The following TBC1D32 variants were observed in gnomAD, a reference collection of about 807,000 sequenced individuals.
TBC1D32 encodes the protein protein broad-minded.
TBC1D32 carries 151 observed loss-of-function variants against 170.3 expected under a neutral mutation model. The observed-to-expected ratio is 0.89, with a 90% CI of 0.78 to 1.01. The LOEUF (loss-of-function observed/expected upper bound fraction) is 1.01, where lower values mean the gene tolerates loss of function less well. Among genes scored for constraint, TBC1D32 ranks in the 50% least tolerant of loss-of-function variants. The probability of loss-of-function intolerance (pLI) is 0.00; values close to 1 mark genes in which losing one functional copy is unlikely to be tolerated. For synonymous variants in TBC1D32, 498 were observed against 488.0 expected (o/e 1.02, Z -0.27); for missense variants, 1,464 against 1,457.1 (o/e 1.00, Z -0.08).
rs543067102 is a variant in TBC1D32, at chr6:121,290,991, G to A, written c.1372+1062C>T. On this transcript the variant is annotated intron_variant, in intron 12 of 31. Transcript: ENST00000398212. ...ACAGGAAGGGGAGCATCACACTGGG[G>A]CCTGTTGTGGGGTTGGGGGAGGGTG... Among the ~76,000 whole-genome samples, 1,048 of 152,190 alleles carry A rather than the reference G, an allele frequency of 6.9e-3. 12 individuals carry two copies. Among genetic ancestry groups the A allele is most frequent in the African/African-American group, 0.023 (942 of 41,524 alleles).
intron 9 of TBC1D32, 36 bp downstream of exon 9, chr6:121,303,581 C>A (rs1301500934): frequency 6.9e-7 from 1 of 1,455,422 alleles, no homozygotes; most frequent in South Asian, 1.6e-5. Flanking sequence ...TATAGCAATG[C>A]ACTAAAAGGT....
chr6:121,331,372 CT>C (rs911264858), intron 1 of TBC1D32, among the ~76,000 whole-genome samples: 1 of 64,462 alleles, frequency 1.6e-5, no homozygotes, highest in African/African-American at 3.6e-5. Context: ...CCATGCCCGG[CT>C]AATTTTTTTT....
intron 9 of TBC1D32, among the ~76,000 whole-genome samples, chr6:121,302,292 G>A (rs1359280396): frequency 6.6e-6 from 1 of 152,064 alleles, no homozygotes; most frequent in Non-Finnish European, 1.5e-5. Flanking sequence ...AGCTACAATA[G>A]GGACTGTAGG....
At position 121,080,861 on chromosome 6, in the gene TBC1D32, ACT is replaced by A. The variant is rs754359360; in HGVS notation, c.3682_3683del (p.Ser1228Ter). ...AAATTTCCATGTATTCAAAATAATC[ACT>A]CACTCGAAACCCATGCAGTGCTTCT... ...KEEALHGFRV[S>X]DYFEYMEILE... On this transcript the variant is annotated frameshift_variant, in exon 32 of 32. Coordinates refer to ENST00000398212, the MANE Select transcript of TBC1D32 (RefSeq NM_152730.6). LOFTEE classifies it high-confidence loss of function. 1.4e-5 allele frequency: 22 copies of A among 1,613,692 alleles called. No individual in the cohort carries two copies. In the East Asian group the frequency reaches 4.7e-4, roughly 34 times the overall value.
At chr6:121,289,684 T>A (rs1333326566) in intron 12 of TBC1D32, among the ~76,000 whole-genome samples, 1 of 152,186 alleles carries the variant, frequency 6.6e-6, no homozygotes, top group African/African-American at 2.4e-5. Flanking sequence ...AGAGCCCGCA[T>A]TGCCAAGTCA....
At chr6:121,216,580 G>A (rs1047886269) in intron 21 of TBC1D32, among the ~76,000 whole-genome samples, 1 of 152,172 alleles carries the variant, frequency 6.6e-6, no homozygotes, top group African/African-American at 2.4e-5. Context: ...ACTGTTTAGA[G>A]AGTTATGCAA....
intron 21 of TBC1D32, among the ~76,000 whole-genome samples, chr6:121,217,762 A>G (rs763528727): frequency 6.6e-6 from 1 of 152,214 alleles, no homozygotes; most frequent in African/African-American, 2.4e-5. Flanking sequence ...TTACCTATAT[A>G]ACAATCCTAC....
At chr6:121,111,650 T>A (rs1345727617) in intron 29 of TBC1D32, among the ~76,000 whole-genome samples, 1 of 152,190 alleles carries the variant, frequency 6.6e-6, no homozygotes, top group South Asian at 2.1e-4. Context: ...ATGATCTTTT[T>A]AAGTAACTGT....
At chr6:121,192,095 TATC>T (rs1463904484) in intron 22 of TBC1D32, among the ~76,000 whole-genome samples, 3 of 141,420 alleles carry the variant, frequency 2.1e-5, no homozygotes, top group Non-Finnish European at 3.0e-5. Flanking sequence ...CTATTAGTTC[TATC>T]CTTCTGGGGA....
intron 24 of TBC1D32, among the ~76,000 whole-genome samples, chr6:121,154,873 G>C (rs1392353137): frequency 1.3e-5 from 2 of 152,106 alleles, no homozygotes; most frequent in South Asian, 4.1e-4. Flanking sequence ...GTCTGTTTCT[G>C]CACCAGTACC....
intron 20 of TBC1D32, among the ~76,000 whole-genome samples, chr6:121,227,024 T>C (rs1303225017): frequency 1.3e-5 from 2 of 151,992 alleles, no homozygotes; most frequent in Non-Finnish European, 2.9e-5. Flanking sequence ...ACACATAAAA[T>C]ACAGTAACAA....
chr6:121,187,103 T>G lies in TBC1D32; in HGVS notation c.2570+17972A>C, dbSNP rs73768935. 1.4e-3 allele frequency among the ~76,000 whole-genome samples: 211 copies of G among 151,950 alleles called. 2 individuals are homozygous for G. The highest frequency in any genetic ancestry group is 4.9e-3 in the African/African-American group (204 of 41,464). ...TCCTTACTAATTCTAGAAAAAAAAT[T>G]GGGGAAGGAAATAAAATATAATCAT... is the stretch of plus-strand genomic sequence containing the variant. On this transcript the variant is annotated intron_variant, in intron 22 of 31. Transcript: ENST00000398212.
At chr6:121,215,131 G>A (rs1326261889) in intron 21 of TBC1D32, among the ~76,000 whole-genome samples, 1 of 152,214 alleles carries the variant, frequency 6.6e-6, no homozygotes, top group Non-Finnish European at 1.5e-5. Context: ...TGAGTCTGGG[G>A]CTTTTATGGG....
intron 24 of TBC1D32, 131 bp from the exon 25 acceptor site, chr6:121,131,883 C>T (rs1012194076): frequency 3.4e-6 from 2 of 591,962 alleles, no homozygotes; most frequent in Non-Finnish European, 5.4e-6. Context: ...AACAGATATT[C>T]TTCTGTAATT....
chr6:121,291,201 A>T (rs1804809110), intron 12 of TBC1D32, among the ~76,000 whole-genome samples: 1 of 152,130 alleles, frequency 6.6e-6, no homozygotes, highest in South Asian at 2.1e-4. Context: ...ATCACACTGT[A>T]CAGTTTAGGC....
At chr6:121,229,407 T>C (rs758059979) in intron 20 of TBC1D32, among the ~76,000 whole-genome samples, 8 of 152,128 alleles carry the variant, frequency 5.3e-5, no homozygotes, top group Admixed American at 1.3e-4. Context: ...ATTTGACCTG[T>C]AAAGTTTCCA....
chr6:121,251,181 C>G (rs746767606), intron 17 of TBC1D32, among the ~76,000 whole-genome samples: 60 of 151,966 alleles, frequency 3.9e-4, no homozygotes, highest in Non-Finnish European at 7.2e-4. Flanking sequence ...AATGCTATTC[C>G]CATCAAGCTA....
intron 3 of TBC1D32, among the ~76,000 whole-genome samples, chr6:121,315,524 C>A (rs1808802382): frequency 6.6e-6 from 1 of 152,108 alleles, no homozygotes; most frequent in Admixed American, 6.6e-5. Context: ...TACAATCAGG[C>A]TGCAATTTTT....
At chr6:121,177,310 T>C (rs1331798796) in intron 22 of TBC1D32, among the ~76,000 whole-genome samples, 1 of 152,106 alleles carries the variant, frequency 6.6e-6, no homozygotes, top group African/African-American at 2.4e-5. Flanking sequence ...TGAGTTCTCA[T>C]GAGATCTGGT....
Sources: gnomAD v4.1 joint callset for allele counts (sites outside exome capture counted in the v4.1 genomes callset) on GRCh38, gnomAD v4.1.1 for gene constraint, MANE v1.5 for transcripts, NCBI Gene and HGNC (gene_info 2026-07-23, HGNC 2026-07-21) for gene names.